The following STXBP6 variants were observed in gnomAD, a reference collection of about 807,000 sequenced individuals.
STXBP6 encodes syntaxin-binding protein 6.
In STXBP6, 21 loss-of-function variants were observed where a neutral mutation model predicts 26.9. The ratio of observed to expected loss-of-function variants is 0.78; its 90% CI spans 0.55 to 1.12. The LOEUF is 1.12. STXBP6 is among the 50% of genes most tolerant of loss of function. STXBP6 has a pLI of 0.00. For synonymous variants in STXBP6, 97 were observed against 92.6 expected (o/e 1.05, Z -0.27); for missense variants, 232 against 257.9 (o/e 0.90, Z 0.69).
intron 4 of STXBP6, among the ~76,000 whole-genome samples, chr14:24,853,416 A>G (rs1437552824): frequency 1.3e-5 from 2 of 152,194 alleles, no homozygotes; most frequent in African/African-American, 4.8e-5. Flanking sequence ...TGCTGCCAAC[A>G]AATTACTACA....
chr14:25,018,142 A>C (rs988628046), intron 1 of STXBP6, among the ~76,000 whole-genome samples: 2 of 152,040 alleles, frequency 1.3e-5, no homozygotes, highest in South Asian at 4.2e-4. Flanking sequence ...CTGCTTTTTT[A>C]TCTTCCCATT....
chr14:24,979,851 C>T (rs953615057), intron 1 of STXBP6, among the ~76,000 whole-genome samples: 1 of 152,194 alleles, frequency 6.6e-6, no homozygotes, highest in African/African-American at 2.4e-5. Flanking sequence ...TTTGATGCTT[C>T]CTCTAAAGGA....
intron 2 of STXBP6, among the ~76,000 whole-genome samples, chr14:24,890,920 A>G (rs934238487): frequency 1.9e-4 from 29 of 152,186 alleles, no homozygotes; most frequent in African/African-American, 6.8e-4. Flanking sequence ...CCAAGCTAAC[A>G]ATCAAGTATC....
chr14:24,998,883 G>T (rs2074676619), intron 1 of STXBP6, among the ~76,000 whole-genome samples: 1 of 152,076 alleles, frequency 6.6e-6, no homozygotes. Flanking sequence ...CTAAACCTTG[G>T]CCATTTCCAA....
At chr14:24,840,729 G>A (rs543352742) in intron 4 of STXBP6, among the ~76,000 whole-genome samples, 1 of 152,312 alleles carries the variant, frequency 6.6e-6, no homozygotes, top group Admixed American at 6.5e-5. Context: ...ATCAGAGATA[G>A]AGTTTGCCCT....
intron 2 of STXBP6, among the ~76,000 whole-genome samples, chr14:24,883,782 T>C (rs983823433): frequency 3.9e-5 from 6 of 152,312 alleles, no homozygotes; most frequent in South Asian, 4.1e-4. Flanking sequence ...TGTTCTTCTA[T>C]AGTGTTTAAT....
intron 2 of STXBP6, among the ~76,000 whole-genome samples, chr14:24,914,346 G>A (rs1210602210): frequency 2.0e-5 from 3 of 152,078 alleles, no homozygotes; most frequent in African/African-American, 7.2e-5. Context: ...ATTGAGATAT[G>A]ATATTTGCAT....
intron 2 of STXBP6, among the ~76,000 whole-genome samples, chr14:24,893,342 C>T (rs1377107673): frequency 6.6e-6 from 1 of 152,188 alleles, no homozygotes; most frequent in Non-Finnish European, 1.5e-5. Flanking sequence ...GAACTTACCA[C>T]TTAAATCCAT....
rs373664992 is a variant in STXBP6, at chr14:24,911,470, A to T, written c.155-54313T>A. Among the ~76,000 whole-genome samples the T allele has an allele frequency of 1.1e-4, 16 of 152,190 alleles. No individual in the cohort carries two copies. In the East Asian group the frequency reaches 2.5e-3, roughly 24 times the overall value. The stretch of plus-strand genomic sequence containing the variant: ...AAGCAGGAGGATGTCCAAAGAAAGA[A>T]ATCAAGCAGGAGGATGTCCAAAGAA... On this transcript the variant is annotated intron_variant, in intron 2 of 5. Coordinates refer to ENST00000323944, the MANE Select transcript of STXBP6 (RefSeq NM_001394410.1).
chr14:24,938,197 A>ACGCAAGAGCAGTATGAAC (rs1278606360), intron 2 of STXBP6, among the ~76,000 whole-genome samples: 43 of 152,240 alleles, frequency 2.8e-4, no homozygotes, highest in South Asian at 1.2e-3. Context: ...TTTTTTTCTC[A>ACGCAAGAGCAGTATGAAC]CGCAAGAGCA....
intron 2 of STXBP6, among the ~76,000 whole-genome samples, chr14:24,970,151 G>T (rs1487956721): frequency 1.3e-5 from 2 of 151,760 alleles, no homozygotes; most frequent in Non-Finnish European, 2.9e-5. Context: ...TGGGGCAGGA[G>T]AACTGCTTGA....
intron 2 of STXBP6, among the ~76,000 whole-genome samples, chr14:24,864,969 A>C (rs1418653276): frequency 6.6e-6 from 1 of 152,178 alleles, no homozygotes; most frequent in Non-Finnish European, 1.5e-5. Flanking sequence ...GGGGAGTAAA[A>C]TCCAGCAACA....
intron 4 of STXBP6, among the ~76,000 whole-genome samples, chr14:24,833,346 C>T (rs2068513523): frequency 6.6e-6 from 1 of 152,148 alleles, no homozygotes; most frequent in African/African-American, 2.4e-5. Context: ...CCCCTAGCAC[C>T]CTTTGCATTT....
At chr14:24,814,214 C>T (rs953523426) in intron 5 of STXBP6, among the ~76,000 whole-genome samples, 3 of 152,144 alleles carry the variant, frequency 2.0e-5, no homozygotes, top group African/African-American at 7.2e-5. Context: ...GTTTATAGTC[C>T]AGGAAACATA....
intron 2 of STXBP6, among the ~76,000 whole-genome samples, chr14:24,891,529 G>A (rs1259432671): frequency 6.6e-6 from 1 of 152,100 alleles, no homozygotes; most frequent in Non-Finnish European, 1.5e-5. Context: ...AAACTGTCAG[G>A]AGACCTGCCC....
chr14:24,858,296 G>C (rs2069412061), intron 2 of STXBP6, among the ~76,000 whole-genome samples: 1 of 151,996 alleles, frequency 6.6e-6, no homozygotes, highest in Non-Finnish European at 1.5e-5. Context: ...ATTGTCGGGG[G>C]CCATTAAAGC....
chr14:24,974,603 T>C, intron 2 of STXBP6, 62 bp downstream of exon 2: 1 of 1,436,302 alleles, frequency 7.0e-7, no homozygotes. Context: ...CCTGGATACC[T>C]CAGAATGAAC....
chr14:24,998,163 A>G (rs1339311445), intron 1 of STXBP6, among the ~76,000 whole-genome samples: 2 of 152,206 alleles, frequency 1.3e-5, no homozygotes, highest in African/African-American at 4.8e-5. Context: ...TTTTCTGTCC[A>G]ATACTAGGTA....
intron 5 of STXBP6, chr14:24,817,829 G>C (rs1035595936): frequency 6.1e-6 from 2 of 328,816 alleles, no homozygotes; most frequent in African/African-American, 2.2e-5. Flanking sequence ...GAAGGAACTC[G>C]AAATGGGCCC....
Sources: gnomAD v4.1 joint callset for allele counts (sites outside exome capture counted in the v4.1 genomes callset) on GRCh38, gnomAD v4.1.1 for gene constraint, MANE v1.5 for transcripts, NCBI Gene and HGNC (gene_info 2026-07-23, HGNC 2026-07-21) for gene names.